The following DMD variants were observed in gnomAD, a reference collection of about 807,000 sequenced individuals.
DMD encodes the protein mutant dystrophin.
In DMD, 63 loss-of-function variants were observed where a neutral mutation model predicts 330.1. That is an observed-to-expected ratio of 0.19 (90% CI 0.16 to 0.24). The LOEUF (loss-of-function observed/expected upper bound fraction) is 0.24, where lower values mean the gene tolerates loss of function less well. DMD is among the 10% of genes least tolerant of loss of function. The pLI, the probability that DMD is intolerant of heterozygous loss-of-function variation, is 1.00. For missense variants in DMD, 3,344 were observed against 2,684.1 expected, an observed-to-expected ratio of 1.25 and a Z score of -5.43; for synonymous variants, 1,223 against 959.8, an observed-to-expected ratio of 1.27 and a Z score of -5.07.
intron 34 of DMD, among the ~76,000 whole-genome samples, chrX:32,376,714 T>G (rs751584142): frequency 0.014 from 1,424 of 102,310 alleles, 27 homozygotes; most frequent in African/African-American, 0.049. Flanking sequence ...GAGAATCCAA[T>G]TTTTTTTTTT....
rs10652780 is a variant in DMD, at chrX:32,292,302, C to CTTTTTTTTTTTTTT, written c.6118-4615_6118-4602dup. 5.2e-3 allele frequency among the ~76,000 whole-genome samples: 325 copies of CTTTTTTTTTTTTTT among 62,879 alleles called. 58 individuals are homozygous for CTTTTTTTTTTTTTT. Among genetic ancestry groups the CTTTTTTTTTTTTTT allele is most frequent in the East Asian group, 0.023 (34 of 1,464 alleles). The allele number at this position is 62,879 out of a possible 115,157, so 54.6% of individuals were successfully genotyped here. ...AACAAATATCAACAAAGGGAATATTCTTTTTTTTTTTTTTTTGAGATGGAG... is the reference window on the plus strand; with the variant it reads ...AACAAATATCAACAAAGGGAATATTCTTTTTTTTTTTTTTTTTTTTTTTTTTTTTTGAGATGGAG... On this transcript the variant is annotated intron_variant, in intron 42 of 78. Transcript: ENST00000357033.
intron 44 of DMD, among the ~76,000 whole-genome samples, chrX:32,194,470 G>A (rs1398181411): frequency 9.0e-6 from 1 of 111,716 alleles, no homozygotes; most frequent in African/African-American, 3.3e-5. Context: ...TTTTGGCTCA[G>A]CATAATATTT....
In DMD at chrX:32,128,518, G is replaced by A. The variant is rs775720448; in HGVS notation, c.6438+88398C>T. ...AATCGATTGACATTTACAATCTTCTGATAAATGCAAAGTACCAATTCCCTA... is the reference window on the plus strand; with the variant it reads ...AATCGATTGACATTTACAATCTTCTAATAAATGCAAAGTACCAATTCCCTA... On this transcript the variant is annotated intron_variant, in intron 44 of 78. Coordinates refer to ENST00000357033, the MANE Select transcript of DMD (RefSeq NM_004006.3). Among the ~76,000 whole-genome samples the A allele has an allele frequency of 9.7e-4, 109 of 112,053 alleles. 1 individual carries two copies. Among genetic ancestry groups the A allele is most frequent in the African/African-American group, 3.4e-3 (104 of 30,927 alleles).
intron 2 of DMD, among the ~76,000 whole-genome samples, chrX:32,917,159 T>TCC (rs376979402): frequency 1.2e-4 from 11 of 89,246 alleles, no homozygotes; most frequent in East Asian, 3.9e-4. Flanking sequence ...GTGTGGCACT[T>TCC]CCCCCCCCCC....
chrX:31,659,511 C>A, intron 53 of DMD, among the ~76,000 whole-genome samples: 2 of 107,695 alleles, frequency 1.9e-5, no homozygotes, highest in Middle Eastern at 9.5e-3. Context: ...TGCTGGTAGG[C>A]TCCTGTAATC....
chrX:32,953,919 C>T (rs2091414445), intron 2 of DMD, among the ~76,000 whole-genome samples: 1 of 112,125 alleles, frequency 8.9e-6, no homozygotes, highest in South Asian at 3.7e-4. Flanking sequence ...ACAGGTGCAG[C>T]AGCAGTTGGC....
At chrX:33,248,171 A>G (rs181479392) in intron 1 of DMD, among the ~76,000 whole-genome samples, 2,087 of 110,397 alleles carry the variant, frequency 0.019, 21 homozygotes, top group Middle Eastern at 0.056. Context: ...CCTCCCCAGT[A>G]GCTGCGACTA....
intron 44 of DMD, among the ~76,000 whole-genome samples, chrX:32,008,445 G>T (rs191856176): frequency 9.0e-6 from 1 of 111,012 alleles, no homozygotes; most frequent in Non-Finnish European, 1.9e-5. Context: ...TATTTTACAG[G>T]TGAGGTAATT....
intron 59 of DMD, among the ~76,000 whole-genome samples, chrX:31,460,016 A>C (rs1480507804): frequency 8.9e-6 from 1 of 112,123 alleles, no homozygotes; most frequent in Non-Finnish European, 1.9e-5. Flanking sequence ...GATAAGGGAA[A>C]AGTTTAAGTT....
chrX:32,066,414 T>C (rs907355091), intron 44 of DMD, among the ~76,000 whole-genome samples: 1 of 111,865 alleles, frequency 8.9e-6, no homozygotes, highest in African/African-American at 3.2e-5. Context: ...TTTCAGTATA[T>C]AGTCAGCTTG....
At chrX:32,988,111 C>T (rs1021654337) in intron 2 of DMD, among the ~76,000 whole-genome samples, 1 of 110,658 alleles carries the variant, frequency 9.0e-6, no homozygotes, top group South Asian at 3.8e-4. Flanking sequence ...TGTGCACAAC[C>T]ACATTGAATG....
intron 1 of DMD, among the ~76,000 whole-genome samples, chrX:33,070,117 C>A (rs1338966041): frequency 9.0e-6 from 1 of 111,370 alleles, no homozygotes; most frequent in Non-Finnish European, 1.9e-5. Context: ...AGCAGATTGC[C>A]TAGAAAGAAA....
At position 31,515,439 on chromosome X, in the gene DMD, A is replaced by G. The variant is rs752530479; in HGVS notation, c.8218-7986T>C. Reference sequence around the variant, plus strand: ...TCTCCTTAAGAATTTTATTATAGACAGATTATCTCTAAGCTTTTCTGAAAG... The same window carrying G: ...TCTCCTTAAGAATTTTATTATAGACGGATTATCTCTAAGCTTTTCTGAAAG... On this transcript the variant is annotated intron_variant, in intron 55 of 78. Coordinates refer to ENST00000357033, the MANE Select transcript of DMD (RefSeq NM_004006.3). Among the ~76,000 whole-genome samples, 6 of 112,143 alleles carry G rather than the reference A, an allele frequency of 5.4e-5. No individual in the cohort carries two copies. The South Asian group carries it at 2.2e-3, about 42-fold the overall frequency.
At chrX:32,595,937 A>C in intron 12 of DMD, 61 bp from the exon 13 acceptor site, 1 of 1,000,903 alleles carries the variant, frequency 1.0e-6, no homozygotes, top group East Asian at 3.1e-5. Flanking sequence ...TGTTGAAATG[A>C]TTTGCTCTCA....
intron 71 of DMD, among the ~76,000 whole-genome samples, chrX:31,175,216 A>G (rs751876613): frequency 9.0e-6 from 1 of 111,598 alleles, no homozygotes; most frequent in African/African-American, 3.2e-5. Flanking sequence ...CAAAAAGCCT[A>G]CCATCAGGGA....
chrX:32,079,601 A>G (rs1257802639), intron 44 of DMD, among the ~76,000 whole-genome samples: 4 of 110,838 alleles, frequency 3.6e-5, no homozygotes, highest in African/African-American at 1.3e-4. Context: ...AAAGGCAGAA[A>G]GAAAAAGAAA....
chrX:32,362,310 G>A (rs2097839524), intron 37 of DMD, among the ~76,000 whole-genome samples: 1 of 111,473 alleles, frequency 9.0e-6, no homozygotes. Context: ...CCTAGACCGT[G>A]CAGAAGATGT....
chrX:31,531,549 T>G (rs1393729183), intron 55 of DMD, among the ~76,000 whole-genome samples: 1 of 86,673 alleles, frequency 1.2e-5, no homozygotes. Context: ...TAAATTTGTT[T>G]GAGTTCATTG....
At chrX:32,758,918 G>GATA (rs2071870225) in intron 7 of DMD, among the ~76,000 whole-genome samples, 1 of 111,662 alleles carries the variant, frequency 9.0e-6, no homozygotes, top group Admixed American at 9.5e-5. Context: ...AAATAAAAAA[G>GATA]ATAAAATGCC....
Sources: gnomAD v4.1 joint callset for allele counts (sites outside exome capture counted in the v4.1 genomes callset) on GRCh38, gnomAD v4.1.1 for gene constraint, MANE v1.5 for transcripts, NCBI Gene and HGNC (gene_info 2026-07-23, HGNC 2026-07-21) for gene names.